ME3: variants seen among roughly 807,000 people sequenced by gnomAD.
ME3 encodes the protein malic enzyme 3.
ME3 carries 48 observed loss-of-function variants against 68.9 expected under a neutral mutation model. The ratio of observed to expected loss-of-function variants is 0.70; its 90% confidence interval spans 0.55 to 0.89. The LOEUF (loss-of-function observed/expected upper bound fraction) is 0.89, where lower values mean the gene tolerates loss of function less well. Ranked by LOEUF, ME3 falls within the 40% of genes least tolerant of loss-of-function variation. ME3 has a pLI of 0.00. For synonymous variants in ME3, 320 were observed against 318.8 expected, an observed-to-expected ratio of 1.00 and a Z score of -0.04; for missense variants, 675 against 797.4, an observed-to-expected ratio of 0.85 and a Z score of 1.85.
chr11:86,559,485 G>C (rs1449274296), intron 3 of ME3, among the ~76,000 whole-genome samples: 1 of 152,140 alleles, frequency 6.6e-6, no homozygotes, highest in African/African-American at 2.4e-5. Flanking sequence ...ATTTCCCCCA[G>C]GACATGTCAG....
At chr11:86,542,156 A>G (rs1956087946) in intron 4 of ME3, among the ~76,000 whole-genome samples, 1 of 152,246 alleles carries the variant, frequency 6.6e-6, no homozygotes, top group African/African-American at 2.4e-5. Flanking sequence ...GAAGGTCACT[A>G]AAATCAAAGA....
intron 2 of ME3, among the ~76,000 whole-genome samples, chr11:86,625,232 T>C (rs754546279): frequency 1.8e-4 from 27 of 151,820 alleles, no homozygotes; most frequent in Non-Finnish European, 2.8e-4. Context: ...CGAGAAAGCT[T>C]GGGTAGAAGA....
At chr11:86,522,140 C>T (rs1434976675) in intron 4 of ME3, among the ~76,000 whole-genome samples, 1 of 152,136 alleles carries the variant, frequency 6.6e-6, no homozygotes, top group Non-Finnish European at 1.5e-5. Flanking sequence ...GTCCCAGCTA[C>T]TCAGGAGGCT....
chr11:86,449,396 G>A (rs544886929), intron 10 of ME3, among the ~76,000 whole-genome samples: 1 of 152,332 alleles, frequency 6.6e-6, no homozygotes, highest in South Asian at 2.1e-4. Context: ...AAACTGGAAA[G>A]GAACAACTTC....
chr11:86,444,652 C>T (rs1281952087), intron 13 of ME3, among the ~76,000 whole-genome samples: 3 of 152,170 alleles, frequency 2.0e-5, no homozygotes, highest in African/African-American at 7.2e-5. Flanking sequence ...CCATCCTGGG[C>T]TCACAAGACC....
chr11:86,559,056 G>A (rs1036975602), intron 3 of ME3, among the ~76,000 whole-genome samples: 39 of 152,170 alleles, frequency 2.6e-4, no homozygotes, highest in African/African-American at 9.4e-4. Flanking sequence ...CCCATTTATA[G>A]CCATTCAACC....
chr11:86,607,787 C>T (rs1380765809), intron 2 of ME3, among the ~76,000 whole-genome samples: 2 of 151,706 alleles, frequency 1.3e-5, no homozygotes, highest in East Asian at 1.9e-4. Flanking sequence ...CTCTCTTATA[C>T]GTCCTTGGTC....
chr11:86,538,027 C>T (rs79548376), intron 4 of ME3, among the ~76,000 whole-genome samples: 1 of 152,202 alleles, frequency 6.6e-6, no homozygotes, highest in Non-Finnish European at 1.5e-5. Context: ...TGGAAATTCA[C>T]AAATCCATTT....
chr11:86,512,063 C>T (rs2139120960), intron 4 of ME3, among the ~76,000 whole-genome samples: 1 of 152,230 alleles, frequency 6.6e-6, no homozygotes, highest in African/African-American at 2.4e-5. Flanking sequence ...GAGGCTAAGC[C>T]ACTCCCTCCT....
At chr11:86,524,223 C>G (rs1428668880) in intron 4 of ME3, among the ~76,000 whole-genome samples, 1 of 152,166 alleles carries the variant, frequency 6.6e-6, no homozygotes, top group Non-Finnish European at 1.5e-5. Flanking sequence ...TGGAATGTGT[C>G]TCTGTTCTAA....
At chr11:86,601,024 A>C (rs1258250384) in intron 2 of ME3, among the ~76,000 whole-genome samples, 50 of 152,078 alleles carry the variant, frequency 3.3e-4, no homozygotes, top group African/African-American at 1.2e-3. Context: ...TTGACACCCT[A>C]ACATCACAAT....
In ME3 at chr11:86,496,405, CAAAAGAAAAG is replaced by C. The variant is rs61497313; in HGVS notation, c.705+1548_705+1557del. Among the ~76,000 whole-genome samples the C allele has an allele frequency of 1.1e-3, 172 of 149,576 alleles. 1 individual carries two copies. Among genetic ancestry groups the C allele is most frequent in the Middle Eastern group, 6.9e-3 (2 of 288 alleles). On this transcript the variant is annotated intron_variant, in intron 6 of 14. Transcript: ENST00000543262. ...TGGGCAACAGAGGGAGAGTCTGTCT[CAAAAGAAAAG>C]AAAAGAAAAGAAAAGAAAAGAAATG...
At chr11:86,520,117 G>A (rs1165212047) in intron 4 of ME3, among the ~76,000 whole-genome samples, 2 of 152,180 alleles carry the variant, frequency 1.3e-5, no homozygotes, top group East Asian at 1.9e-4. Context: ...CAGAGGGAGT[G>A]GCTATGTCCC....
At chr11:86,661,313 T>A (rs1250839429) in intron 2 of ME3, among the ~76,000 whole-genome samples, 1 of 152,220 alleles carries the variant, frequency 6.6e-6, no homozygotes, top group Non-Finnish European at 1.5e-5. Context: ...ACCCTGGAGA[T>A]GCTGAACCCT....
chr11:86,610,896 A>T (rs966027164), intron 2 of ME3, among the ~76,000 whole-genome samples: 1 of 152,232 alleles, frequency 6.6e-6, no homozygotes, highest in African/African-American at 2.4e-5. Context: ...GTTGGCCAGA[A>T]AAGCCAGGCA....
At chr11:86,447,350 G>T in intron 11 of ME3, 143 bp from the exon 12 acceptor site, 1 of 1,159,040 alleles carries the variant, frequency 8.6e-7, no homozygotes, top group Non-Finnish European at 1.2e-6. Flanking sequence ...TGAAGGAGCA[G>T]AAGGGAAAAT....
chr11:86,540,738 T>A (rs1955992618), intron 4 of ME3, among the ~76,000 whole-genome samples: 1 of 152,190 alleles, frequency 6.6e-6, no homozygotes, highest in Non-Finnish European at 1.5e-5. Context: ...CAGCTGAGGT[T>A]CTTTTCTGGC....
chr11:86,621,381 C>A (rs1943340657), intron 2 of ME3, among the ~76,000 whole-genome samples: 1 of 150,554 alleles, frequency 6.6e-6, no homozygotes, highest in Admixed American at 6.6e-5. Flanking sequence ...CTTTTTTGCT[C>A]CTCAGTCTTG....
chr11:86,543,235 A>G (rs957935949), intron 4 of ME3, among the ~76,000 whole-genome samples: 1 of 152,218 alleles, frequency 6.6e-6, no homozygotes, highest in East Asian at 1.9e-4. Flanking sequence ...ACTATGAACA[A>G]ACTGCATCAA....
Sources: gnomAD v4.1 joint callset for allele counts (sites outside exome capture counted in the v4.1 genomes callset) on GRCh38, gnomAD v4.1.1 for gene constraint, MANE v1.5 for transcripts, NCBI Gene and HGNC (gene_info 2026-07-23, HGNC 2026-07-21) for gene names.